Variants in ANKRD55 observed in about 807,000 individuals in gnomAD.
The protein encoded by ANKRD55 is ankyrin repeat domain 55.
In ANKRD55, 41 loss-of-function variants were observed where a neutral mutation model predicts 60.6. The ratio of observed to expected loss-of-function variants is 0.68; its 90% CI spans 0.53 to 0.88. ANKRD55 has a LOEUF of 0.88. ANKRD55 is among the 40% of genes least tolerant of loss of function. ANKRD55 has a pLI of 0.00. For missense variants in ANKRD55, 732 were observed against 767.6 expected, an observed-to-expected ratio of 0.95 and a Z score of 0.55; for synonymous variants, 264 against 290.3, an observed-to-expected ratio of 0.91 and a Z score of 0.92.
intron 10 of ANKRD55, among the ~76,000 whole-genome samples, chr5:56,107,516 T>C (rs1297188115): frequency 6.6e-6 from 1 of 152,066 alleles, no homozygotes; most frequent in Non-Finnish European, 1.5e-5. Context: ...ATCTAATATC[T>C]CCTCCCTCAC....
chr5:56,178,001 T>C (rs996204744), intron 3 of ANKRD55, among the ~76,000 whole-genome samples: 1 of 152,146 alleles, frequency 6.6e-6, no homozygotes, highest in African/African-American at 2.4e-5. Flanking sequence ...ATTTTACAAT[T>C]ATGTATTGAT....
At chr5:56,117,082 G>C (rs927358567) in intron 8 of ANKRD55, 9 of 210,580 alleles carry the variant, frequency 4.3e-5, no homozygotes, top group Non-Finnish European at 5.6e-5. Flanking sequence ...TTTATACATA[G>C]TGCCAAACTG....
intron 7 of ANKRD55, among the ~76,000 whole-genome samples, chr5:56,130,255 A>C (rs1162553682): frequency 2.0e-5 from 3 of 152,168 alleles, no homozygotes; most frequent in Admixed American, 2.0e-4. Context: ...AAACTAGTTA[A>C]CCAGAGCCTA....
chr5:56,151,672 G>C (rs895771926), intron 6 of ANKRD55, among the ~76,000 whole-genome samples: 2 of 151,826 alleles, frequency 1.3e-5, no homozygotes, highest in Non-Finnish European at 2.9e-5. Context: ...AATTAACCGG[G>C]CATGGTGGCA....
chr5:56,144,000 T>C, intron 6 of ANKRD55, 71 bp from the exon 7 acceptor site: 1 of 1,602,582 alleles, frequency 6.2e-7, no homozygotes, highest in Non-Finnish European at 8.5e-7. Flanking sequence ...GCTCACACTT[T>C]CTCCTCAGGC....
At chr5:56,188,361 C>A (rs866267050) in intron 2 of ANKRD55, among the ~76,000 whole-genome samples, 89 of 133,226 alleles carry the variant, frequency 6.7e-4, no homozygotes, top group African/African-American at 2.8e-3. Context: ...CCGCCACCCC[C>A]CTACAACCAA....
chr5:56,111,095 G>T (rs768920005), intron 10 of ANKRD55, 23 bp downstream of exon 10: 1 of 1,600,290 alleles, frequency 6.2e-7, no homozygotes, highest in African/African-American at 1.3e-5. Context: ...TGCTGAGAAT[G>T]AACATGAAAT....
rs754659914 is a variant in ANKRD55, at chr5:56,176,144, G to A, written c.312+8C>T. 3 of 1,614,014 alleles carry A rather than the reference G, an allele frequency of 1.9e-6. No individual in the cohort carries two copies. Among genetic ancestry groups the A allele is most frequent in the African/African-American group, 2.7e-5 (2 of 74,918 alleles). ...TCCTTCCACCCTGTGACAGGCACAAGTCAGTACCAGGTAGGTGGCCAGGCA... is the reference window on the plus strand; with the variant it reads ...TCCTTCCACCCTGTGACAGGCACAAATCAGTACCAGGTAGGTGGCCAGGCA... On this transcript the variant is annotated splice_region_variant and intron_variant, in intron 4 of 11. Coordinates refer to ENST00000341048, the MANE Select transcript of ANKRD55 (RefSeq NM_024669.3).
chr5:56,215,628 G>T (rs1759786011), intron 2 of ANKRD55, among the ~76,000 whole-genome samples: 1 of 152,196 alleles, frequency 6.6e-6, no homozygotes, highest in African/African-American at 2.4e-5. Flanking sequence ...AGTATATCTT[G>T]GTATGAAGAG....
rs182615942 is a variant in ANKRD55, at chr5:56,205,306, C to T, written c.59-21672G>A. Among the ~76,000 whole-genome samples the T allele has an allele frequency of 8.3e-4, 127 of 152,336 alleles. 3 individuals are homozygous for T. In the Middle Eastern group the frequency reaches 0.02, roughly 24 times the overall value. Reference sequence around the variant, plus strand: ...GAACTCTTGACCTCAAGTGATCCACCTGCCTCAGCCTCCCAAAGTGCTAGG... The same window carrying T: ...GAACTCTTGACCTCAAGTGATCCACTTGCCTCAGCCTCCCAAAGTGCTAGG... On this transcript the variant is annotated intron_variant, in intron 2 of 11. Transcript: ENST00000341048.
At chr5:56,229,388 C>A (rs1486523955) in intron 2 of ANKRD55, among the ~76,000 whole-genome samples, 1 of 152,118 alleles carries the variant, frequency 6.6e-6, no homozygotes, top group Non-Finnish European at 1.5e-5. Context: ...GTTCTGAAGA[C>A]CCAGGCTTCC....
intron 2 of ANKRD55, among the ~76,000 whole-genome samples, chr5:56,198,287 A>T (rs998744484): frequency 1.3e-5 from 2 of 150,678 alleles, no homozygotes; most frequent in East Asian, 3.9e-4. Context: ...ATCTACAATT[A>T]TTATTATTAC....
In ANKRD55 at chr5:56,111,098, C is replaced by T. The variant is rs1483884465; in HGVS notation, c.1630+20G>A. 6.2e-7 allele frequency: 1 copy of T among 1,602,038 alleles called. No homozygotes were observed. The highest frequency in any genetic ancestry group is 1.7e-5 in the Admixed American group (1 of 59,358). On this transcript the variant is annotated intron_variant, in intron 10 of 11. Transcript: ENST00000341048. ...CAGTATAGAGCCTGCTGAGAATGAA[C>T]ATGAAATCAAGGACATTACCTGATG...
Position 56,224,489 on chromosome 5 carries a change from G to T in ANKRD55, c.58+8367C>A, listed in dbSNP as rs1430335191. Reference sequence around the variant, plus strand: ...AGAAGGCAAGAAATACCTAAGATTAGAGCAGAACTGAAGGAGATAGAGACA... The same window carrying T: ...AGAAGGCAAGAAATACCTAAGATTATAGCAGAACTGAAGGAGATAGAGACA... On this transcript the variant is annotated intron_variant, in intron 2 of 11. Transcript: ENST00000341048. Among the ~76,000 whole-genome samples the T allele has an allele frequency of 3.9e-5, 6 of 152,130 alleles. No homozygotes were observed. The East Asian group carries it at 1.2e-3, about 29-fold the overall frequency.
chr5:56,126,829 G>T, intron 8 of ANKRD55, 93 bp downstream of exon 8: 1 of 1,405,124 alleles, frequency 7.1e-7, no homozygotes, highest in Non-Finnish European at 9.7e-7. Flanking sequence ...GGATATAGCT[G>T]TATAGGACAC....
At chr5:56,169,470 CT>C (rs1376436053) in intron 5 of ANKRD55, among the ~76,000 whole-genome samples, 1 of 151,730 alleles carries the variant, frequency 6.6e-6, no homozygotes, top group Non-Finnish European at 1.5e-5. Flanking sequence ...GAGTCATCCC[CT>C]CACGATGTCT....
intron 10 of ANKRD55, among the ~76,000 whole-genome samples, chr5:56,110,806 A>G (rs1409683578): frequency 1.3e-5 from 2 of 152,224 alleles, no homozygotes; most frequent in East Asian, 3.8e-4. Context: ...GCCACACACT[A>G]GTTAAGAATC....
Position 56,111,296 on chromosome 5 carries a change from A to T in ANKRD55, c.1452T>A (p.Thr484=). The change falls in exon 10 of 12, where the codon ACT becomes ACA. Residue 484 remains threonine (T), a synonymous_variant. Transcript: ENST00000341048. The stretch of plus-strand genomic sequence containing the variant: ...GGTTATCTAGTAACATCTGGCAGCC[A>T]GTTCTGTTATTTAATAAATCCTGCT... ...RSEQDLLNNR[T]GCQMLLDNPW... The T allele has an allele frequency of 1.2e-6, 2 of 1,614,146 alleles. No individual in the cohort carries two copies. The highest frequency in any genetic ancestry group is 2.2e-5 in the South Asian group (2 of 91,078).
In ANKRD55 at chr5:56,232,945, C is replaced by G. The variant is rs750949270; in HGVS notation, c.-32G>C. 2.5e-6 allele frequency: 4 copies of G among 1,608,804 alleles called. No homozygotes were observed. The highest frequency in any genetic ancestry group is 3.4e-6 in the Non-Finnish European group (4 of 1,175,394). On this transcript the variant is annotated splice_region_variant and 5_prime_UTR_variant, in exon 2 of 12. Coordinates refer to ENST00000341048, the MANE Select transcript of ANKRD55 (RefSeq NM_024669.3). The stretch of plus-strand genomic sequence containing the variant: ...TCAGAATGGCAAAAAGCATCCAGGT[C>G]TCTAGAGAGGAGAAAACACCATCTC...
Sources: gnomAD v4.1 joint callset for allele counts (sites outside exome capture counted in the v4.1 genomes callset) on GRCh38, gnomAD v4.1.1 for gene constraint, MANE v1.5 for transcripts, NCBI Gene and HGNC (gene_info 2026-07-23, HGNC 2026-07-21) for gene names.